PFKL: variants seen among roughly 807,000 people sequenced by gnomAD.
PFKL encodes the protein phosphofructokinase, liver type.
In PFKL, 74 loss-of-function variants were observed where a neutral mutation model predicts 92.1. That is an observed-to-expected ratio of 0.80 (90% CI 0.67 to 0.97). The LOEUF (loss-of-function observed/expected upper bound fraction) is 0.97, where lower values mean the gene tolerates loss of function less well. PFKL is among the 50% of genes least tolerant of loss of function. PFKL has a pLI of 0.00. For synonymous variants in PFKL, 494 were observed against 456.4 expected, an observed-to-expected ratio of 1.08 and a Z score of -1.05; for missense variants, 1,028 against 1,116.6, an observed-to-expected ratio of 0.92 and a Z score of 1.13.
intron 19 of PFKL, 30 bp from the exon 20 acceptor site, chr21:44,325,921 CCCAGGGGAGT>C (rs897268090): frequency 6.5e-7 from 1 of 1,528,882 alleles, no homozygotes; most frequent in African/African-American, 1.4e-5. Flanking sequence ...GCCCAGGCAG[CCCAGGGGAGT>C]CCAGGGAACC....
intron 1 of PFKL, among the ~76,000 whole-genome samples, chr21:44,302,481 T>C (rs568637817): frequency 6.6e-6 from 1 of 152,262 alleles, no homozygotes; most frequent in South Asian, 2.1e-4. Context: ...CCACTGCTGC[T>C]GCCGTGTGGC....
chr21:44,305,174 T>TGG, intron 1 of PFKL: 2 of 1,139,614 alleles, frequency 1.8e-6, no homozygotes, highest in Non-Finnish European at 2.3e-6. Flanking sequence ...TGGGATCTCA[T>TGG]TGGATTCCTG....
At chr21:44,315,869 G>A in intron 7 of PFKL, 1 of 297,252 alleles carries the variant, frequency 3.4e-6, no homozygotes, top group African/African-American at 2.2e-5. Flanking sequence ...AGGCCCCTCT[G>A]CCCTGTGCCC....
At chr21:44,324,354 T>C (rs1206892056) in intron 16 of PFKL, 137 bp from the exon 17 acceptor site, 13 of 866,270 alleles carry the variant, frequency 1.5e-5, no homozygotes, top group African/African-American at 3.4e-5. Flanking sequence ...GGCCCAAGCC[T>C]GGTGCTGCTG....
chr21:44,325,076 C>T (rs2047463659), intron 18 of PFKL, 77 bp from the exon 19 acceptor site: 1 of 1,239,980 alleles, frequency 8.1e-7, no homozygotes, highest in Non-Finnish European at 1.2e-6. Flanking sequence ...TCTCCCAGGC[C>T]TGGCCCAGCG....
chr21:44,300,165 C>T lies in PFKL; in HGVS notation c.60C>T (p.Val20=). ...RASGAGKAIG[V]LTSGGDAQGM... ...CGGGCGCGGGCAAGGCCATCGGCGT[C>T]CTGACCAGCGGCGGCGACGCGCAAG... is the stretch of plus-strand genomic sequence containing the variant. Residue 20 remains valine (V), a synonymous_variant, in exon 1 of 22, where the codon GTC becomes GTT. Transcript: ENST00000349048. 1 of 1,175,580 alleles carries T rather than the reference C, an allele frequency of 8.5e-7. No individual in the cohort carries two copies. 72.8% of individuals were successfully genotyped at this position (1,175,580 alleles called of 1,614,324 possible). A position where few individuals can be genotyped will look rare whatever the true frequency, so the allele number is the denominator to read the frequency against.
intron 7 of PFKL, chr21:44,314,722 C>G (rs985660749): frequency 3.3e-5 from 5 of 152,272 alleles, no homozygotes; most frequent in African/African-American, 1.2e-4. Context: ...ACCCTGAGAC[C>G]CCTCAACTGG....
chr21:44,320,074 T>A lies in PFKL; in HGVS notation c.1128-10T>A. On this transcript the variant is annotated splice_polypyrimidine_tract_variant and intron_variant, in intron 11 of 21. Transcript: ENST00000349048. Reference sequence around the variant, plus strand: ...AGGGCTGTGCATGGTGTGACCCGAATCCCTTCCAGGAGCTTCGAGAACAAC... The same window carrying A: ...AGGGCTGTGCATGGTGTGACCCGAAACCCTTCCAGGAGCTTCGAGAACAAC... 2.5e-6 allele frequency: 4 copies of A among 1,612,746 alleles called. No individual in the cohort carries two copies. Among genetic ancestry groups the A allele is most frequent in the Non-Finnish European group, 2.5e-6 (3 of 1,179,234 alleles).
chr21:44,307,054 G>A (rs373382467), intron 2 of PFKL, among the ~76,000 whole-genome samples: 1 of 152,136 alleles, frequency 6.6e-6, no homozygotes, highest in East Asian at 1.9e-4. Context: ...TACAGTGATC[G>A]CTGACGGGCC....
At position 44,321,883 on chromosome 21, in the gene PFKL, C is replaced by T. The variant is rs766381392; in HGVS notation, c.1338+8C>T. ...GGCCTAGCCAAGGGTCAGGTGGGTC[C>T]GGCCGGGGCAAACAAGTGAGGACTT... On this transcript the variant is annotated splice_region_variant and intron_variant, in intron 13 of 21. Transcript: ENST00000349048. 51 of 1,523,442 alleles carry T rather than the reference C, an allele frequency of 3.3e-5. No homozygotes were observed. The highest frequency in any genetic ancestry group is 1.8e-4 in the Middle Eastern group (1 of 5,678). The allele number at this position is 1,523,442 out of a possible 1,614,324, so 94.4% of individuals were successfully genotyped here.
At chr21:44,306,441 T>C (rs2040945922) in intron 1 of PFKL, among the ~76,000 whole-genome samples, 1 of 151,940 alleles carries the variant, frequency 6.6e-6, no homozygotes, top group Non-Finnish European at 1.5e-5. Flanking sequence ...CCTCCTGAGA[T>C]GGGGAGGGTG....
intron 11 of PFKL, 83 bp downstream of exon 11, chr21:44,319,498 C>A: frequency 8.4e-7 from 1 of 1,185,578 alleles, no homozygotes; most frequent in Non-Finnish European, 1.3e-6. Context: ...GCGCTATGCA[C>A]GCCTGGCCTG....
At chr21:44,319,323 A>G (rs748033839) in intron 10 of PFKL, 28 bp from the exon 11 acceptor site, 7 of 1,603,020 alleles carry the variant, frequency 4.4e-6, no homozygotes. Flanking sequence ...GGCTCTCCAT[A>G]GTCTGTGTTC....
intron 1 of PFKL, chr21:44,305,913 C>G (rs773165043): frequency 7.3e-7 from 1 of 1,363,550 alleles, no homozygotes; most frequent in Non-Finnish European, 9.8e-7. Flanking sequence ...CTGGTGGCAC[C>G]AGCATCATGT....
intron 14 of PFKL, 117 bp downstream of exon 14, chr21:44,322,320 C>G (rs1365234271): frequency 2.1e-6 from 2 of 940,036 alleles, no homozygotes; most frequent in Non-Finnish European, 3.2e-6. Flanking sequence ...GCCCCTCTTC[C>G]TGCTGGTGGT....
intron 14 of PFKL, among the ~76,000 whole-genome samples, chr21:44,322,670 T>C (rs531121708): frequency 6.6e-5 from 10 of 152,054 alleles, no homozygotes; most frequent in Admixed American, 5.9e-4. Flanking sequence ...TGCCGCTGAG[T>C]GTTGGGCGAG....
At chr21:44,311,148 C>A in intron 3 of PFKL, 65 bp downstream of exon 3, 1 of 1,258,926 alleles carries the variant, frequency 7.9e-7, no homozygotes. Flanking sequence ...AGAGACAGAC[C>A]TGCACACACA....
intron 11 of PFKL, chr21:44,319,827 T>G: frequency 2.0e-6 from 1 of 512,012 alleles, no homozygotes; most frequent in Non-Finnish European, 3.5e-6. Context: ...GCTACCAAGG[T>G]GGCCAACCCT....
chr21:44,305,447 G>A (rs1459312194), intron 1 of PFKL: 1 of 1,309,476 alleles, frequency 7.6e-7, no homozygotes. Context: ...GCAAGTACAG[G>A]GGGGTGGGAG....
Sources: gnomAD v4.1 joint callset for allele counts (sites outside exome capture counted in the v4.1 genomes callset) on GRCh38, gnomAD v4.1.1 for gene constraint, MANE v1.5 for transcripts, NCBI Gene and HGNC (gene_info 2026-07-23, HGNC 2026-07-21) for gene names.